Variants in SLC9C1 observed in about 807,000 individuals in gnomAD.
SLC9C1 encodes solute carrier family 9 member C1.
A neutral mutation model predicts 140.9 loss-of-function variants in SLC9C1; 97 were observed. The ratio of observed to expected loss-of-function variants is 0.69; its 90% confidence interval spans 0.58 to 0.82. The LOEUF is 0.82. Ranked by LOEUF, SLC9C1 falls within the 40% of genes least tolerant of loss-of-function variation. SLC9C1 has a pLI of 0.00. For missense variants in SLC9C1, 1,340 were observed against 1,389.3 expected, an observed-to-expected ratio of 0.96 and a Z score of 0.56; for synonymous variants, 440 against 442.6, an observed-to-expected ratio of 0.99 and a Z score of 0.07.
At chr3:112,207,365 C>T (rs1418742123) in intron 16 of SLC9C1, among the ~76,000 whole-genome samples, 2 of 152,152 alleles carry the variant, frequency 1.3e-5, no homozygotes, top group Non-Finnish European at 2.9e-5. Flanking sequence ...CAGCAGCTAC[C>T]TATATGATCT....
At chr3:112,225,403 T>G (rs537097893) in intron 13 of SLC9C1, among the ~76,000 whole-genome samples, 5 of 151,968 alleles carry the variant, frequency 3.3e-5, no homozygotes, top group Non-Finnish European at 7.4e-5. Context: ...AAAAGGACAA[T>G]AACTAAGATT....
chr3:112,269,605 A>G (rs1055606053), intron 7 of SLC9C1, among the ~76,000 whole-genome samples: 4 of 152,178 alleles, frequency 2.6e-5, no homozygotes, highest in Non-Finnish European at 5.9e-5. Context: ...AAATATTTTT[A>G]TAACCATAAT....
intron 14 of SLC9C1, among the ~76,000 whole-genome samples, chr3:112,218,633 TAAAG>T (rs1241451237): frequency 6.6e-6 from 1 of 152,112 alleles, no homozygotes; most frequent in Admixed American, 6.6e-5. Flanking sequence ...AGATAAACCA[TAAAG>T]AAATACTGGT....
chr3:112,194,583 T>C (rs910596430), intron 20 of SLC9C1, among the ~76,000 whole-genome samples: 4 of 152,232 alleles, frequency 2.6e-5, no homozygotes. Flanking sequence ...ATAATGTTGC[T>C]ATGAATGTAG....
intron 3 of SLC9C1, chr3:112,279,082 A>G: frequency 2.5e-6 from 1 of 404,378 alleles, no homozygotes; most frequent in Non-Finnish European, 4.4e-6. Context: ...TGGAAAGTTA[A>G]TGTAATTCAT....
intron 10 of SLC9C1, among the ~76,000 whole-genome samples, chr3:112,257,695 T>C (rs999230014): frequency 6.6e-6 from 1 of 152,056 alleles, no homozygotes; most frequent in Non-Finnish European, 1.5e-5. Flanking sequence ...CAAAACTTGA[T>C]AAAATTGATC....
intron 1 of SLC9C1, among the ~76,000 whole-genome samples, chr3:112,287,976 G>A (rs928022846): frequency 4.9e-5 from 7 of 142,084 alleles, no homozygotes; most frequent in African/African-American, 1.8e-4. Flanking sequence ...CGGGGAGGCG[G>A]AGCTTGCAGT....
intron 28 of SLC9C1, among the ~76,000 whole-genome samples, chr3:112,148,849 T>C (rs531200376): frequency 1.3e-5 from 2 of 152,218 alleles, no homozygotes; most frequent in Admixed American, 6.5e-5. Flanking sequence ...CCAGTGCCAA[T>C]AGAGAATCCA....
chr3:112,205,077 A>C (rs1279820885), intron 16 of SLC9C1, among the ~76,000 whole-genome samples: 2 of 152,258 alleles, frequency 1.3e-5, no homozygotes, highest in Non-Finnish European at 1.5e-5. Context: ...GAAGGAAATA[A>C]AGGGTATTCA....
chr3:112,165,159 A>G (rs952908079), intron 26 of SLC9C1, among the ~76,000 whole-genome samples: 5 of 152,062 alleles, frequency 3.3e-5, no homozygotes, highest in African/African-American at 1.2e-4. Context: ...TGGTTATTCT[A>G]GTTAGCCATT....
At chr3:112,251,226 A>G (rs987532463) in intron 10 of SLC9C1, among the ~76,000 whole-genome samples, 3 of 152,116 alleles carry the variant, frequency 2.0e-5, no homozygotes, top group Admixed American at 6.6e-5. Context: ...ACCCACAGAG[A>G]ACAAGGAAAA....
intron 1 of SLC9C1, among the ~76,000 whole-genome samples, chr3:112,291,948 T>A (rs1334107371): frequency 6.6e-6 from 1 of 152,162 alleles, no homozygotes; most frequent in Non-Finnish European, 1.5e-5. Flanking sequence ...TAAAAAAGAA[T>A]GAGATCATGT....
chr3:112,254,784 A>G (rs1373685079), intron 10 of SLC9C1, among the ~76,000 whole-genome samples: 1 of 152,188 alleles, frequency 6.6e-6, no homozygotes, highest in Non-Finnish European at 1.5e-5. Context: ...CCCATTTAAA[A>G]GACAGAGAGC....
At chr3:112,194,171 A>G (rs1405323471) in intron 20 of SLC9C1, among the ~76,000 whole-genome samples, 7 of 152,120 alleles carry the variant, frequency 4.6e-5, no homozygotes, top group Admixed American at 1.3e-4. Flanking sequence ...CAGCTCCCCA[A>G]ATAATGTTCA....
chr3:112,262,970 A>G lies in SLC9C1; in HGVS notation c.1151T>C (p.Leu384Pro). ...GMPNINMALLLAYSDLYFGSD... is the reference protein window; with the variant it reads ...GMPNINMALLPAYSDLYFGSD... ...TCCAAAATAAAGATCAGAGTAGGCAAGCAGAAGGGCCATGTTTATATTAGG... is the reference window on the plus strand; with the variant it reads ...TCCAAAATAAAGATCAGAGTAGGCAGGCAGAAGGGCCATGTTTATATTAGG... The change falls in exon 10 of 29, where the codon CTT becomes CCT. Residue 384 changes from leucine (L) to proline (P), a missense_variant. Coordinates refer to ENST00000305815, the MANE Select transcript of SLC9C1 (RefSeq NM_183061.3). 1 of 1,599,448 alleles carries G rather than the reference A, an allele frequency of 6.3e-7. No individual in the cohort carries two copies. The highest frequency in any genetic ancestry group is 1.1e-5 in the South Asian group (1 of 87,936).
rs183513073 is a variant in SLC9C1 at position 112,207,700 on chromosome 3, A to G, written c.1986+478T>C. 1.2e-4 allele frequency among the ~76,000 whole-genome samples: 18 copies of G among 152,234 alleles called. No homozygotes were observed. In the East Asian group the frequency reaches 2.1e-3, roughly 18 times the overall value. ...TTATTCTCTTTTTTGTCTCCTAGACATTATTAAAAATTCAACTCAAGTATT... is the reference window on the plus strand; with the variant it reads ...TTATTCTCTTTTTTGTCTCCTAGACGTTATTAAAAATTCAACTCAAGTATT... On this transcript the variant is annotated intron_variant, in intron 16 of 28. Transcript: ENST00000305815.
intron 10 of SLC9C1, among the ~76,000 whole-genome samples, chr3:112,252,415 C>T (rs998286899): frequency 1.3e-5 from 2 of 152,138 alleles, no homozygotes; most frequent in African/African-American, 2.4e-5. Context: ...AGGTAGGCCA[C>T]CATCTTTGCT....
chr3:112,210,723 A>C (rs1359100349), intron 15 of SLC9C1, among the ~76,000 whole-genome samples: 3 of 152,230 alleles, frequency 2.0e-5, no homozygotes, highest in Non-Finnish European at 4.4e-5. Context: ...TATGTACATA[A>C]GAAATTTAGG....
intron 23 of SLC9C1, among the ~76,000 whole-genome samples, chr3:112,178,535 A>T (rs75629334): frequency 0.1 from 15,736 of 152,122 alleles, 867 homozygotes; most frequent in East Asian, 0.2. Flanking sequence ...CTGTCAATTA[A>T]CCTGTTTCTC....
Sources: gnomAD v4.1 joint callset for allele counts (sites outside exome capture counted in the v4.1 genomes callset) on GRCh38, gnomAD v4.1.1 for gene constraint, MANE v1.5 for transcripts, NCBI Gene and HGNC (gene_info 2026-07-23, HGNC 2026-07-21) for gene names.